The following DIPK1C variants were observed in gnomAD, a reference collection of about 807,000 sequenced individuals.
The protein encoded by DIPK1C is divergent protein kinase domain 1C.
Under a neutral mutation model 28.0 loss-of-function variants are expected in DIPK1C, and 33 were observed. The observed-to-expected ratio is 1.18, with a 90% confidence interval of 0.89 to 1.58. The LOEUF is 1.58. Ranked by LOEUF, DIPK1C falls within the 40% of genes most tolerant of loss-of-function variation. DIPK1C has a pLI of 0.00. For missense variants in DIPK1C, 569 were observed against 568.5 expected, an observed-to-expected ratio of 1.00 and a Z score of -0.01; for synonymous variants, 255 against 248.8, an observed-to-expected ratio of 1.02 and a Z score of -0.23.
intron 3 of DIPK1C, among the ~76,000 whole-genome samples, 168 bp downstream of exon 3, chr18:74,441,784 G>A (rs577299437): frequency 6.6e-6 from 1 of 152,234 alleles, no homozygotes; most frequent in Admixed American, 6.5e-5. Flanking sequence ...AGGCAACCAA[G>A]AGCACGATTG....
chr18:74,443,867 T>C (rs1986199532), intron 2 of DIPK1C, among the ~76,000 whole-genome samples: 1 of 152,104 alleles, frequency 6.6e-6, no homozygotes, highest in Non-Finnish European at 1.5e-5. Context: ...CTCCCCAGCC[T>C]CCCCTGGGCC....
Position 74,441,941 on chromosome 18 carries a change from G to T in DIPK1C, c.1041+11C>A, listed in dbSNP as rs1218792279. ...ACCCTCTCCTCCCCCAGCCCTGGCG[G>T]ACTCTCATACCTGCAGGTTGTTGTT... is the stretch of plus-strand genomic sequence containing the variant. On this transcript the variant is annotated intron_variant, in intron 3 of 3. Transcript: ENST00000343998. 1.2e-6 allele frequency: 2 copies of T among 1,610,008 alleles called. No homozygotes were observed. The highest frequency in any genetic ancestry group is 1.7e-5 in the Admixed American group (1 of 59,450).
intron 1 of DIPK1C, among the ~76,000 whole-genome samples, chr18:74,455,964 T>G (rs984984230): frequency 2.0e-5 from 3 of 152,208 alleles, no homozygotes; most frequent in Admixed American, 2.0e-4. Flanking sequence ...AATCATTTAC[T>G]TTAAAAACTT....
chr18:74,446,572 T>C (rs1378485504), intron 2 of DIPK1C, 34 bp downstream of exon 2: 3 of 1,407,036 alleles, frequency 2.1e-6, no homozygotes, highest in African/African-American at 3.0e-5. Context: ...AGCTCCGTTC[T>C]CTGCACATAA....
At chr18:74,446,225 G>T (rs2019247) in intron 2 of DIPK1C, among the ~76,000 whole-genome samples, 2 of 152,272 alleles carry the variant, frequency 1.3e-5, no homozygotes, top group South Asian at 2.1e-4. Context: ...CCTCCCTCAT[G>T]GTCTTCTGCA....
intron 1 of DIPK1C, among the ~76,000 whole-genome samples, chr18:74,448,325 G>A (rs997115065): frequency 2.0e-5 from 3 of 152,204 alleles, no homozygotes; most frequent in Admixed American, 2.0e-4. Flanking sequence ...CTTCCTTCCA[G>A]GAACTTCTAT....
intron 1 of DIPK1C, among the ~76,000 whole-genome samples, chr18:74,456,472 A>C (rs1986514661): frequency 6.6e-6 from 1 of 152,186 alleles, no homozygotes; most frequent in South Asian, 2.1e-4. Context: ...TGCTCGCCCG[A>C]GCGCACACTG....
chr18:74,436,636 T>C lies in DIPK1C; in HGVS notation c.1125A>G (p.Leu375=). 6.2e-7 allele frequency: 1 copy of C among 1,613,828 alleles called. No homozygotes were observed. Among genetic ancestry groups the C allele is most frequent in the Non-Finnish European group, 8.5e-7 (1 of 1,179,992 alleles). Residue 375 remains leucine (L), a synonymous_variant, in exon 4 of 4, where the codon TTA becomes TTG. Transcript: ENST00000343998. The part of the protein sequence containing the change: ...SAVSFQLQLQ[L]QEAVQECADP... ...CTGCACATTCCTGCACCGCCTCCTGTAACTGCAGCTGAAGCTGGAAAGAGA... is the reference window on the plus strand; with the variant it reads ...CTGCACATTCCTGCACCGCCTCCTGCAACTGCAGCTGAAGCTGGAAAGAGA...
chr18:74,456,723 C>T (rs1986522789), intron 1 of DIPK1C, among the ~76,000 whole-genome samples: 1 of 152,234 alleles, frequency 6.6e-6, no homozygotes, highest in Non-Finnish European at 1.5e-5. Context: ...ACACCGGACG[C>T]GGCACCTCCC....
intron 2 of DIPK1C, 105 bp from the exon 3 acceptor site, chr18:74,442,221 G>A: frequency 1.5e-6 from 2 of 1,327,414 alleles, no homozygotes; most frequent in Non-Finnish European, 2.1e-6. Context: ...CCACTGTCCA[G>A]GTCACAGGTG....
At chr18:74,463,196 T>C in the DIPK1C span, among the ~76,000 whole-genome samples, 122,699 of 152,106 alleles carry the variant, frequency 0.81, 49,903 homozygotes, top group East Asian at 0.99. Flanking sequence ...GATGAAGGCC[T>C]GGGAAGTGGA....
chr18:74,455,848 T>TCACGATGA (rs1030517057), intron 1 of DIPK1C, among the ~76,000 whole-genome samples: 1 of 152,106 alleles, frequency 6.6e-6, no homozygotes, highest in African/African-American at 2.4e-5. Context: ...TATGTTCAAT[T>TCACGATGA]CACGATGACA....
At chr18:74,448,166 A>C (rs1271592276) in intron 1 of DIPK1C, among the ~76,000 whole-genome samples, 1 of 152,208 alleles carries the variant, frequency 6.6e-6, no homozygotes, top group Non-Finnish European at 1.5e-5. Context: ...GAATGGAAGG[A>C]AGGAGAAGAC....
At position 74,436,439 on chromosome 18, in the gene DIPK1C, G is replaced by T; in HGVS notation, c.*62C>A. On this transcript the variant is annotated 3_prime_UTR_variant, in exon 4 of 4. Coordinates refer to ENST00000343998, the MANE Select transcript of DIPK1C (RefSeq NM_001044369.3). ...GGAAATGGCTCATCTTTAAAACAATGGCAGAAGAAATCCAGCCAAGGTCAC... is the reference window on the plus strand; with the variant it reads ...GGAAATGGCTCATCTTTAAAACAATTGCAGAAGAAATCCAGCCAAGGTCAC... The T allele has an allele frequency of 6.9e-7, 1 of 1,454,818 alleles. No homozygotes were observed. The allele number at this position is 1,454,818 out of a possible 1,614,324, so 90.1% of individuals were successfully genotyped here.
At chr18:74,459,092 G>A (rs1986579652), upstream of DIPK1C, among the ~76,000 whole-genome samples, 1 of 152,246 alleles carries the variant, frequency 6.6e-6, no homozygotes, top group Non-Finnish European at 1.5e-5. Context: ...AACAGAACGA[G>A]ACCCTGTACC....
intron 1 of DIPK1C, among the ~76,000 whole-genome samples, chr18:74,452,412 A>AT (rs1568265857): frequency 6.6e-6 from 1 of 151,800 alleles, no homozygotes; most frequent in Admixed American, 6.6e-5. Flanking sequence ...TTAAAAAAAA[A>AT]CAGTCAACTT....
chr18:74,444,849 T>C (rs1028938616), intron 2 of DIPK1C, among the ~76,000 whole-genome samples: 1 of 152,052 alleles, frequency 6.6e-6, no homozygotes, highest in South Asian at 2.1e-4. Context: ...GGACGCATAG[T>C]CACGATTTCA....
In DIPK1C at chr18:74,436,037, A is replaced by C. The variant is rs1032060117; in HGVS notation, c.*464T>G. The C allele has an allele frequency of 5.0e-6, 1 of 198,292 alleles. No individual in the cohort carries two copies. The highest frequency in any genetic ancestry group is 1.0e-5 in the Non-Finnish European group (1 of 96,038). The allele number at this position is 198,292 out of a possible 1,614,324, so 12.3% of individuals were successfully genotyped here. A position where few individuals can be genotyped will look rare whatever the true frequency, so the allele number is the denominator to read the frequency against. ...TGTGCACACTCACCTGTGCACACTC[A>C]CACACATGCAGACACTCATGGGCAC... is the stretch of plus-strand genomic sequence containing the variant. On this transcript the variant is annotated 3_prime_UTR_variant, in exon 4 of 4. Transcript: ENST00000343998.
rs1250524443 is a variant in DIPK1C, at chr18:74,452,462, G to T, written c.198+4600C>A. ...AAGTTTGAATTTAAAATTTTCATCG[G>T]GCCAGGCACAGTGGATCATGCCCGT... is the stretch of plus-strand genomic sequence containing the variant. On this transcript the variant is annotated intron_variant, in intron 1 of 3. Coordinates refer to ENST00000343998, the MANE Select transcript of DIPK1C (RefSeq NM_001044369.3). Among the ~76,000 whole-genome samples, 3 of 151,972 alleles carry T rather than the reference G, an allele frequency of 2.0e-5. No individual in the cohort carries two copies. In the East Asian group the frequency reaches 5.8e-4, roughly 29 times the overall value.
Sources: allele counts gnomAD v4.1 joint callset (sites outside exome capture counted in the v4.1 genomes callset), GRCh38; gene constraint gnomAD v4.1.1; transcripts MANE v1.5; gene names NCBI Gene and HGNC (gene_info 2026-07-23, HGNC 2026-07-21).